PPP1R13B: variants seen among roughly 807,000 people sequenced by gnomAD.
PPP1R13B encodes the protein protein phosphatase 1 regulatory subunit 13B.
PPP1R13B carries 44 observed loss-of-function variants against 119.8 expected under a neutral mutation model. That is an observed-to-expected ratio of 0.37 (90% confidence interval 0.29 to 0.47). PPP1R13B has a LOEUF of 0.47. Ranked by LOEUF, PPP1R13B falls within the 20% of genes least tolerant of loss-of-function variation. The probability of loss-of-function intolerance (pLI) is 0.99; values close to 1 mark genes in which losing one functional copy is unlikely to be tolerated. For missense variants in PPP1R13B, 1,227 were observed against 1,413.5 expected (o/e 0.87, Z 2.12); for synonymous variants, 542 against 561.5 (o/e 0.97, Z 0.49).
chr14:103,790,494 G>A (rs1320621816), intron 2 of PPP1R13B, among the ~76,000 whole-genome samples: 1 of 151,786 alleles, frequency 6.6e-6, no homozygotes, highest in Non-Finnish European at 1.5e-5. Context: ...TACAAAAGAG[G>A]CCCAAGACAT....
intron 1 of PPP1R13B, among the ~76,000 whole-genome samples, chr14:103,829,443 A>G (rs890105966): frequency 1.3e-5 from 2 of 152,218 alleles, no homozygotes; most frequent in Non-Finnish European, 1.5e-5. Flanking sequence ...TTTAATACAG[A>G]CAAGGTCTTT....
At chr14:103,763,096 G>C in intron 4 of PPP1R13B, 1 of 947,434 alleles carries the variant, frequency 1.1e-6, no homozygotes, top group Non-Finnish European at 1.6e-6. Flanking sequence ...AAGGTTCCTG[G>C]GGTGGCCTGC....
intron 12 of PPP1R13B, among the ~76,000 whole-genome samples, chr14:103,739,541 C>G (rs1386641947): frequency 6.6e-6 from 1 of 152,194 alleles, no homozygotes; most frequent in Non-Finnish European, 1.5e-5. Flanking sequence ...CCTTCAGGTG[C>G]CAGCGACAGC....
chr14:103,815,782 A>T (rs111379035), intron 1 of PPP1R13B, among the ~76,000 whole-genome samples: 1,578 of 150,860 alleles, frequency 0.01, 20 homozygotes, highest in African/African-American at 0.028. Context: ...AAATAATTTT[A>T]AAATAATAAA....
chr14:103,802,233 C>T (rs555729003), intron 1 of PPP1R13B, among the ~76,000 whole-genome samples: 4 of 152,002 alleles, frequency 2.6e-5, no homozygotes, highest in African/African-American at 7.2e-5. Context: ...GGCGTGAACC[C>T]GGGAGGCGGA....
At chr14:103,764,533 C>CA (rs1467245172) in intron 4 of PPP1R13B, 4 of 310,268 alleles carry the variant, frequency 1.3e-5, no homozygotes, top group African/African-American at 9.0e-5. Context: ...AAAATACATC[C>CA]ACAATGTTAA....
chr14:103,845,240 A>ACATG (rs10668339), intron 1 of PPP1R13B, among the ~76,000 whole-genome samples: 1 of 151,920 alleles, frequency 6.6e-6, no homozygotes, highest in East Asian at 1.9e-4. Flanking sequence ...ATTTTTGGAT[A>ACATG]GTTTAAAATA....
At chr14:103,792,474 A>G (rs2085647332) in intron 2 of PPP1R13B, among the ~76,000 whole-genome samples, 1 of 152,178 alleles carries the variant, frequency 6.6e-6, no homozygotes, top group South Asian at 2.1e-4. Flanking sequence ...TGCACCTGGC[A>G]AAATTTTGAG....
rs999054453 is a variant in PPP1R13B, at chr14:103,734,486, G to A, written c.*668C>T. ...GCTGAGGCTCTCCCAGTTGTCACTT[G>A]GTCTTAGGGGTCCTGGTGCCCGTGG... is the stretch of plus-strand genomic sequence containing the variant. On this transcript the variant is annotated 3_prime_UTR_variant, in exon 17 of 17. Transcript: ENST00000202556. 1.3e-5 allele frequency: 6 copies of A among 455,736 alleles called. No individual in the cohort carries two copies. The highest frequency in any genetic ancestry group is 8.0e-5 in the African/African-American group (4 of 50,046). The allele number at this position is 455,736 out of a possible 1,614,324, so 28.2% of individuals were successfully genotyped here.
chr14:103,762,947 T>C (rs2084845176), intron 4 of PPP1R13B: 2 of 1,032,488 alleles, frequency 1.9e-6, no homozygotes, highest in Non-Finnish European at 3.0e-6. Flanking sequence ...CTACAGTATC[T>C]GCTAAATAAA....
At chr14:103,753,239 T>A (rs562630501) in intron 6 of PPP1R13B, 43 bp from the exon 7 acceptor site, 5 of 1,430,596 alleles carry the variant, frequency 3.5e-6, no homozygotes, top group African/African-American at 2.4e-5. Context: ...ATTTAGTTGA[T>A]CCTTTTTTTT....
intron 4 of PPP1R13B, among the ~76,000 whole-genome samples, chr14:103,767,388 G>T (rs12878868): frequency 1.3e-5 from 2 of 151,404 alleles, no homozygotes; most frequent in Admixed American, 1.3e-4. Flanking sequence ...TTTTCTGCTT[G>T]TATCACCATA....
intron 1 of PPP1R13B, among the ~76,000 whole-genome samples, chr14:103,833,748 C>T (rs1248786942): frequency 6.6e-6 from 1 of 152,194 alleles, no homozygotes; most frequent in Non-Finnish European, 1.5e-5. Context: ...GTTGCCTCCT[C>T]TGTGAAACTT....
In PPP1R13B at chr14:103,739,877, G is replaced by A; in HGVS notation, c.2539C>T (p.Gln847Ter). 6.2e-7 allele frequency: 1 copy of A among 1,613,748 alleles called. No individual in the cohort carries two copies. The highest frequency in any genetic ancestry group is 8.5e-7 in the Non-Finnish European group (1 of 1,179,964). ...GGGGGAAGAGGTGCTGGAGGGACCT[G>A]CTCTTCCCCTGGAGATGGGGCCTCA... ...VAEAPSPGEE[Q>*]VPPAPLPPAS... is the part of the protein sequence containing the mutation. The change falls in exon 12 of 17, where the codon CAG (glutamine) becomes TAG (stop). Residue 847 changes from glutamine (Q) to a stop codon, truncating the protein, a stop_gained. Transcript: ENST00000202556. LOFTEE classifies it high-confidence loss of function.
intron 7 of PPP1R13B, among the ~76,000 whole-genome samples, chr14:103,751,612 A>C (rs1408176263): frequency 6.6e-6 from 1 of 152,098 alleles, no homozygotes; most frequent in Admixed American, 6.5e-5. Flanking sequence ...TTTAGGAGGT[A>C]ATTAGGTTTA....
chr14:103,740,882 C>T lies in PPP1R13B; in HGVS notation c.1823-289G>A, dbSNP rs1247774338. Reference sequence around the variant, plus strand: ...AGGGTGCTAACCCGACTTTTCCTGCCGCAGACAAGCCTGCCTGTTTTCTGG... The same window carrying T: ...AGGGTGCTAACCCGACTTTTCCTGCTGCAGACAAGCCTGCCTGTTTTCTGG... On this transcript the variant is annotated intron_variant, in intron 11 of 16. Transcript: ENST00000202556. The surrounding 1 kb of genome is among the most constrained non-coding windows in gnomAD (Gnocchi z 4.6). Among the ~76,000 whole-genome samples the T allele has an allele frequency of 5.3e-5, 8 of 152,202 alleles. No individual in the cohort carries two copies. Among genetic ancestry groups the T allele is most frequent in the Non-Finnish European group, 8.8e-5 (6 of 68,032 alleles).
chr14:103,763,307 G>A (rs1162490831), intron 4 of PPP1R13B: 1 of 339,540 alleles, frequency 2.9e-6, no homozygotes, highest in Non-Finnish European at 5.4e-6. Context: ...AGAAAGGGGG[G>A]TCTGTTAACT....
intron 16 of PPP1R13B, among the ~76,000 whole-genome samples, chr14:103,735,566 G>A (rs532488972): frequency 5.9e-5 from 9 of 152,320 alleles, no homozygotes; most frequent in African/African-American, 2.2e-4. Flanking sequence ...CACAAAGAGA[G>A]CAGAGGCAGC....
chr14:103,838,094 G>A (rs1471463840), intron 1 of PPP1R13B, among the ~76,000 whole-genome samples: 1 of 152,100 alleles, frequency 6.6e-6, no homozygotes, highest in Non-Finnish European at 1.5e-5. Flanking sequence ...ACTCCAGCCT[G>A]GGCGACAGAG....
Sources: gnomAD v4.1 joint callset for allele counts (sites outside exome capture counted in the v4.1 genomes callset) on GRCh38, gnomAD v4.1.1 for gene constraint, Gnocchi (gnomAD v3.1) non-coding constraint, MANE v1.5 for transcripts, NCBI Gene and HGNC (gene_info 2026-07-23, HGNC 2026-07-21) for gene names.